The following SPATA13 variants were observed in gnomAD, a reference collection of about 807,000 sequenced individuals.
SPATA13 encodes spermatogenesis-associated protein 13.
In SPATA13, 50 loss-of-function variants were observed where a neutral mutation model predicts 104.0. That is an observed-to-expected ratio of 0.48 (90% confidence interval 0.38 to 0.61). SPATA13 has a LOEUF of 0.61. SPATA13 is among the 20% of genes least tolerant of loss of function. SPATA13 has a pLI of 0.00. For synonymous variants in SPATA13, 606 were observed against 667.5 expected (o/e 0.91, Z 1.42); for missense variants, 1,524 against 1,690.6 (o/e 0.90, Z 1.73).
chr13:24,078,452 A>G (rs1377876861), intron 3 of SPATA13, among the ~76,000 whole-genome samples: 2 of 152,186 alleles, frequency 1.3e-5, no homozygotes, highest in African/African-American at 2.4e-5. Context: ...TACAAATGAG[A>G]AAACAGGCCT....
intron 3 of SPATA13, among the ~76,000 whole-genome samples, chr13:24,128,528 C>T (rs1218244929): frequency 6.6e-6 from 1 of 152,088 alleles, no homozygotes; most frequent in Admixed American, 6.5e-5. Context: ...TCATGCTTCT[C>T]AGGCCTCAGG....
At chr13:24,173,179 G>T (rs186998531) in intron 1 of SPATA13, among the ~76,000 whole-genome samples, 1 of 152,182 alleles carries the variant, frequency 6.6e-6, no homozygotes, top group South Asian at 2.1e-4. Flanking sequence ...CCGGGTTCAA[G>T]CGATTCTCCT....
chr13:23,980,981 A>G (rs1291381062), intron 1 of SPATA13, among the ~76,000 whole-genome samples: 2 of 152,208 alleles, frequency 1.3e-5, no homozygotes, highest in Non-Finnish European at 2.9e-5. Flanking sequence ...TTAAAAAGTA[A>G]AGTACAGAAC....
chr13:24,277,081 G>T (rs1257035706), intron 4 of SPATA13, among the ~76,000 whole-genome samples: 1 of 152,180 alleles, frequency 6.6e-6, no homozygotes, highest in African/African-American at 2.4e-5. Flanking sequence ...TACCGTAAAA[G>T]AATTTTGTTA....
At chr13:24,036,350 G>T (rs1877681488) in intron 3 of SPATA13, among the ~76,000 whole-genome samples, 1 of 152,172 alleles carries the variant, frequency 6.6e-6, no homozygotes, top group African/African-American at 2.4e-5. Flanking sequence ...ACAATGTGTT[G>T]CCATGGCTGA....
At chr13:24,124,043 G>A (rs1268511730) in intron 3 of SPATA13, among the ~76,000 whole-genome samples, 1 of 152,104 alleles carries the variant, frequency 6.6e-6, no homozygotes, top group Non-Finnish European at 1.5e-5. Flanking sequence ...TGGGCCTGGG[G>A]TCCTGGACAC....
At chr13:24,044,483 G>A (rs573166176) in intron 3 of SPATA13, among the ~76,000 whole-genome samples, 3 of 152,084 alleles carry the variant, frequency 2.0e-5, no homozygotes, top group South Asian at 4.2e-4. Context: ...CGCCCACCTC[G>A]GCCTCCCAAA....
intron 3 of SPATA13, among the ~76,000 whole-genome samples, chr13:24,028,429 T>C (rs1292140001): frequency 6.6e-6 from 1 of 152,236 alleles, no homozygotes; most frequent in Non-Finnish European, 1.5e-5. Context: ...TAGTTTCTCC[T>C]AGTACTTTAC....
intron 3 of SPATA13, among the ~76,000 whole-genome samples, chr13:24,099,191 A>G (rs549667221): frequency 1.3e-5 from 2 of 152,306 alleles, no homozygotes; most frequent in South Asian, 4.1e-4. Context: ...AGTGGAGAAA[A>G]GCATGCATTT....
At position 24,089,096 on chromosome 13, in the gene SPATA13, T is replaced by C. The variant is rs186133353; in HGVS notation, c.-112+71395T>C. Reference sequence around the variant, plus strand: ...GTTTTCATAGATGAGGACACCAGTGTGTCAGGGGACACAACCTTTTAACTA... The same window carrying C: ...GTTTTCATAGATGAGGACACCAGTGCGTCAGGGGACACAACCTTTTAACTA... On this transcript the variant is annotated intron_variant, in intron 3 of 14. Transcript: ENST00000424834. Among the ~76,000 whole-genome samples the C allele has an allele frequency of 3.7e-3, 568 of 152,334 alleles. 4 individuals are homozygous for C. The highest frequency in any genetic ancestry group is 0.013 in the African/African-American group (529 of 41,568).
intron 3 of SPATA13, among the ~76,000 whole-genome samples, chr13:24,131,067 A>G (rs1227567195): frequency 6.6e-6 from 1 of 152,250 alleles, no homozygotes; most frequent in Non-Finnish European, 1.5e-5. Context: ...AGGATTGTTC[A>G]GTAAGGAAAT....
chr13:24,173,041 T>C (rs1566132364), intron 1 of SPATA13, among the ~76,000 whole-genome samples: 1 of 152,148 alleles, frequency 6.6e-6, no homozygotes, highest in Non-Finnish European at 1.5e-5. Context: ...AACACCTAAG[T>C]AGTTCATTTT....
At chr13:24,052,673 A>T (rs1878385137) in intron 3 of SPATA13, among the ~76,000 whole-genome samples, 1 of 151,788 alleles carries the variant, frequency 6.6e-6, no homozygotes, top group Non-Finnish European at 1.5e-5. Context: ...GACTCTTTGG[A>T]CACAGTAGAG....
intron 3 of SPATA13, among the ~76,000 whole-genome samples, chr13:24,155,623 A>G (rs1387117022): frequency 6.6e-6 from 1 of 152,210 alleles, no homozygotes; most frequent in Non-Finnish European, 1.5e-5. Context: ...CAAAATCCCA[A>G]TGGCTTTCTG....
chr13:24,276,860 C>T (rs1024090168), intron 4 of SPATA13, among the ~76,000 whole-genome samples: 1 of 152,178 alleles, frequency 6.6e-6, no homozygotes, highest in African/African-American at 2.4e-5. Flanking sequence ...GGCAGCAGCA[C>T]CGGCCTGTGG....
At chr13:23,992,133 C>G (rs1875443132) in intron 2 of SPATA13, among the ~76,000 whole-genome samples, 1 of 152,180 alleles carries the variant, frequency 6.6e-6, no homozygotes, top group African/African-American at 2.4e-5. Flanking sequence ...ACCACCCTCC[C>G]TGACACTCCT....
intron 2 of SPATA13, among the ~76,000 whole-genome samples, chr13:24,231,917 C>T (rs542273466): frequency 2.4e-4 from 37 of 152,266 alleles, no homozygotes; most frequent in Non-Finnish European, 2.8e-4. Flanking sequence ...AGTGAAGTGC[C>T]GATTCAGATC....
chr13:24,196,963 C>T (rs9318386), intron 1 of SPATA13, among the ~76,000 whole-genome samples: 66,800 of 151,730 alleles, frequency 0.44, 16,514 homozygotes, highest in Non-Finnish European at 0.56. Flanking sequence ...CTGCTGAGTA[C>T]GGGGTGAGTA....
At chr13:24,277,170 C>A (rs561729302) in intron 4 of SPATA13, among the ~76,000 whole-genome samples, 10 of 152,088 alleles carry the variant, frequency 6.6e-5, no homozygotes, top group African/African-American at 2.2e-4. Flanking sequence ...TTGGGCCGGG[C>A]GCGGTGGCTT....
Sources: gnomAD v4.1 joint callset for allele counts (sites outside exome capture counted in the v4.1 genomes callset) on GRCh38, gnomAD v4.1.1 for gene constraint, MANE v1.5 for transcripts, NCBI Gene and HGNC (gene_info 2026-07-23, HGNC 2026-07-21) for gene names.